The following DRC7 variants were observed in gnomAD, a reference collection of about 807,000 sequenced individuals.
DRC7 encodes coiled-coil domain containing 135.
A neutral mutation model predicts 104.4 loss-of-function variants in DRC7; 80 were observed. The ratio of observed to expected loss-of-function variants is 0.77; its 90% confidence interval spans 0.64 to 0.92. The LOEUF (loss-of-function observed/expected upper bound fraction) is 0.92, where lower values mean the gene tolerates loss of function less well. Ranked by LOEUF, DRC7 falls within the 40% of genes least tolerant of loss-of-function variation. DRC7 has a pLI of 0.00. For synonymous variants in DRC7, 405 were observed against 447.3 expected (o/e 0.91, Z 1.19); for missense variants, 1,034 against 1,141.1 (o/e 0.91, Z 1.35).
chr16:57,714,559 AAGGGTGC>A (rs2148754770), intron 8 of DRC7: 1 of 162,884 alleles, frequency 6.1e-6, no homozygotes, highest in East Asian at 1.9e-4. Flanking sequence ...CCGGGAGGTC[AAGGGTGC>A]AGTAAGCCAT....
intron 2 of DRC7, among the ~76,000 whole-genome samples, chr16:57,697,332 T>C (rs2048603872): frequency 6.6e-6 from 1 of 151,704 alleles, no homozygotes; most frequent in Non-Finnish European, 1.5e-5. Context: ...CCCAGCACTT[T>C]GGGAGGCCAA....
intron 8 of DRC7, among the ~76,000 whole-genome samples, chr16:57,712,911 G>A (rs150267581): frequency 1.9e-3 from 289 of 152,142 alleles, no homozygotes; most frequent in Middle Eastern, 6.8e-3. Context: ...ACTCTATCAT[G>A]TATTCATTTT....
rs750190459 is a variant in DRC7, at chr16:57,728,595, G to A, written c.2391+11G>A. 4 of 1,563,414 alleles carry A rather than the reference G, an allele frequency of 2.6e-6. No individual in the cohort carries two copies. Among genetic ancestry groups the A allele is most frequent in the Non-Finnish European group, 3.5e-6 (4 of 1,150,172 alleles). ...GCCCGCTTTGAGAAGGTGCCACCAG[G>A]GCCTTTGTTGGGGAGGGGGGGATCT... On this transcript the variant is annotated intron_variant, in intron 17 of 18. Coordinates refer to ENST00000360716, the MANE Select transcript of DRC7 (RefSeq NM_001289162.2).
intron 13 of DRC7, 154 bp from the exon 14 acceptor site, chr16:57,725,914 T>C (rs537688494): frequency 8.5e-5 from 56 of 660,854 alleles, no homozygotes; most frequent in Non-Finnish European, 1.4e-4. Flanking sequence ...ACGAAATCCA[T>C]TGTCTGGCTA....
At chr16:57,714,263 C>G (rs560767354) in intron 8 of DRC7, 1 of 185,220 alleles carries the variant, frequency 5.4e-6, no homozygotes, top group Non-Finnish European at 1.1e-5. Flanking sequence ...GTGTCTTATT[C>G]CTCACCTCCT....
intron 3 of DRC7, 73 bp from the exon 4 acceptor site, chr16:57,698,777 T>G (rs1418032551): frequency 1.3e-6 from 2 of 1,485,376 alleles, no homozygotes; most frequent in Non-Finnish European, 1.9e-6. Context: ...GTAGAGCCAA[T>G]GGCAACTCAG....
At chr16:57,731,143 T>G (rs1385068521) in intron 18 of DRC7, 22 bp from the exon 19 acceptor site, 1 of 1,613,636 alleles carries the variant, frequency 6.2e-7, no homozygotes, top group African/African-American at 1.3e-5. Flanking sequence ...CTCACCCTCT[T>G]TCCTTGCCTC....
At chr16:57,729,622 GTGGATGGATGAGTGGGTGGAT>G in intron 17 of DRC7, among the ~76,000 whole-genome samples, 1 of 82,848 alleles carries the variant, frequency 1.2e-5, no homozygotes, top group African/African-American at 6.4e-5. Flanking sequence ...GAGTGGGTGG[GTGGATGGATGAGTGGGTGGAT>G]GGGGTGGGTG....
In DRC7 at chr16:57,719,029, C is replaced by T. The variant is rs577742648; in HGVS notation, c.1206+554C>T. 1.0e-4 allele frequency among the ~76,000 whole-genome samples: 15 copies of T among 148,090 alleles called. No individual in the cohort carries two copies. The East Asian group carries it at 2.2e-3, about 22-fold the overall frequency. ...AATTTAGAAAAAGAAAGTTGCAGAG[C>T]GGGGTCATAACACCCCGCTCTGCAA... On this transcript the variant is annotated intron_variant, in intron 9 of 18. Transcript: ENST00000360716.
At chr16:57,730,836 A>C in intron 17 of DRC7, 95 bp from the exon 18 acceptor site, 1 of 1,377,658 alleles carries the variant, frequency 7.3e-7, no homozygotes. Context: ...GCCAACCGTC[A>C]TGGTGCTGTC....
chr16:57,717,940 T>G (rs2048861429), intron 8 of DRC7, among the ~76,000 whole-genome samples: 1 of 152,202 alleles, frequency 6.6e-6, no homozygotes, highest in Admixed American at 6.5e-5. Context: ...TTAAAAAACC[T>G]TCCACTTCCT....
intron 8 of DRC7, among the ~76,000 whole-genome samples, chr16:57,717,706 AAAAAG>A (rs2048859493): frequency 6.6e-6 from 1 of 151,852 alleles, no homozygotes; most frequent in Admixed American, 6.6e-5. Context: ...CTCAAAAAAA[AAAAAG>A]AAAAGAAATT....
At chr16:57,720,564 G>A (rs930423984) in intron 9 of DRC7, among the ~76,000 whole-genome samples, 1 of 152,164 alleles carries the variant, frequency 6.6e-6, no homozygotes, top group African/African-American at 2.4e-5. Flanking sequence ...GGTCCACCCT[G>A]GCCCAAGAGC....
At chr16:57,710,723 C>T (rs1365839461) in intron 8 of DRC7, among the ~76,000 whole-genome samples, 1 of 152,124 alleles carries the variant, frequency 6.6e-6, no homozygotes, top group African/African-American at 2.4e-5. Context: ...TTGTCAAATA[C>T]TTTTTCTGAG....
In DRC7 at chr16:57,726,118, C is replaced by T. The variant is rs201411909; in HGVS notation, c.1809C>T (p.Asp603=). The change falls in exon 14 of 19, where the codon GAC becomes GAT. Residue 603 remains aspartate, a synonymous_variant. Coordinates refer to ENST00000360716, the MANE Select transcript of DRC7 (RefSeq NM_001289162.2). Reference sequence around the variant, plus strand: ...ACCCAGCGAAGCCCGCGGAGGAGGACGTGGCAGAGCGCGTGTTTCTGGTCG... The same window carrying T: ...ACCCAGCGAAGCCCGCGGAGGAGGATGTGGCAGAGCGCGTGTTTCTGGTCG... ...FRNPAKPAEE[D]VAERVFLVAE... 6.8e-6 allele frequency: 11 copies of T among 1,613,290 alleles called. 1 individual carries two copies. In the South Asian group the frequency reaches 1.1e-4, roughly 16 times the overall value.
chr16:57,696,889 T>C (rs2048598295), intron 2 of DRC7, among the ~76,000 whole-genome samples: 1 of 152,186 alleles, frequency 6.6e-6, no homozygotes, highest in African/African-American at 2.4e-5. Context: ...ACCTTACCGT[T>C]AGGATTTTCT....
intron 4 of DRC7, 140 bp downstream of exon 4, chr16:57,699,164 C>A: frequency 2.9e-6 from 3 of 1,027,470 alleles, no homozygotes; most frequent in Non-Finnish European, 2.8e-6. Context: ...AGTCTGGGGG[C>A]AACATAAAGT....
Position 57,731,348 on chromosome 16 carries a change from C to T in DRC7, c.*90C>T. On this transcript the variant is annotated 3_prime_UTR_variant, in exon 19 of 19. Coordinates refer to ENST00000360716, the MANE Select transcript of DRC7 (RefSeq NM_001289162.2). ...CTGTGTTCCCTCTATCCAGCCAATG[C>T]CTGTTTACACAGACACCTGGCCTCA... 3.1e-6 allele frequency: 3 copies of T among 981,498 alleles called. No homozygotes were observed. The highest frequency in any genetic ancestry group is 4.7e-6 in the Non-Finnish European group (3 of 636,414). 60.8% of individuals were successfully genotyped at this position (981,498 alleles called of 1,614,324 possible).
intron 12 of DRC7, among the ~76,000 whole-genome samples, chr16:57,724,150 A>C (rs1047914316): frequency 1.3e-5 from 2 of 151,988 alleles, no homozygotes; most frequent in African/African-American, 4.8e-5. Context: ...TTTCTACTAA[A>C]AATACAAAAA....
Sources: gnomAD v4.1 joint callset for allele counts (sites outside exome capture counted in the v4.1 genomes callset) on GRCh38, gnomAD v4.1.1 for gene constraint, MANE v1.5 for transcripts, NCBI Gene and HGNC (gene_info 2026-07-23, HGNC 2026-07-21) for gene names.